The following ITM2B variants were observed in gnomAD, a reference collection of about 807,000 sequenced individuals.
ITM2B encodes the protein integral membrane protein 2B.
A neutral mutation model predicts 27.8 loss-of-function variants in ITM2B; 11 were observed. The observed-to-expected ratio is 0.40, with a 90% CI of 0.25 to 0.66. The LOEUF is 0.66. ITM2B is among the 30% of genes least tolerant of loss of function. The pLI is 0.43. For synonymous variants in ITM2B, 114 were observed against 114.3 expected (o/e 1.00, Z 0.02); for missense variants, 296 against 328.9 (o/e 0.90, Z 0.77).
At position 48,264,005 on chromosome 13, in the gene ITM2B, A is replaced by G. The variant is rs1951837068; in HGVS notation, c.*2781A>G. On this transcript the variant is annotated 3_prime_UTR_variant, in exon 6 of 6. Transcript: ENST00000647800. ...AGATAGCTCTAGTTTGCTGCTTTGC[A>G]ACACATTCTGCCCCTATTGCATTGG... 6.6e-6 allele frequency: 1 copy of G among 152,072 alleles called. No individual in the cohort carries two copies. The highest frequency in any genetic ancestry group is 2.4e-5 in the African/African-American group (1 of 41,396). 9.4% of individuals were successfully genotyped at this position (152,072 alleles called of 1,614,324 possible).
chr13:48,234,825 G>A (rs1191077876), intron 1 of ITM2B, among the ~76,000 whole-genome samples: 4 of 152,134 alleles, frequency 2.6e-5, no homozygotes, highest in Admixed American at 2.6e-4. Flanking sequence ...TATTGGTATT[G>A]TTTTCCTGAA....
At chr13:48,243,548 G>C (rs1231802868) in intron 1 of ITM2B, among the ~76,000 whole-genome samples, 2 of 152,162 alleles carry the variant, frequency 1.3e-5, no homozygotes, top group African/African-American at 4.8e-5. Context: ...CATGCTGTGG[G>C]CCGGGCATGG....
rs1406181282 is a variant in ITM2B, at chr13:48,267,027, G to C, written c.*5803G>C. ...TAGGGGGGATTTTTGATTGTCACAGGACTAGAGGATGCCATTTGTATTTAG... is the reference window on the plus strand; with the variant it reads ...TAGGGGGGATTTTTGATTGTCACAGCACTAGAGGATGCCATTTGTATTTAG... On this transcript the variant is annotated 3_prime_UTR_variant, in exon 6 of 6. Coordinates refer to ENST00000647800, the MANE Select transcript of ITM2B (RefSeq NM_021999.5). The C allele has an allele frequency of 1.3e-5, 2 of 152,140 alleles. No individual in the cohort carries two copies. Among genetic ancestry groups the C allele is most frequent in the Non-Finnish European group, 2.9e-5 (2 of 68,032 alleles). 9.4% of individuals were successfully genotyped at this position (152,140 alleles called of 1,614,324 possible). A position where few individuals can be genotyped will look rare whatever the true frequency, so the allele number is the denominator to read the frequency against.
In ITM2B at chr13:48,269,458, A is replaced by G. The variant is rs1439875251; in HGVS notation, c.*8234A>G. On this transcript the variant is annotated 3_prime_UTR_variant, in exon 6 of 6. Transcript: ENST00000647800. ...ATGTCACTCCCCTGCTCAAATCCCA[A>G]CATTTTATTCAGAATAAAAGTCGAA... 1 of 146,546 alleles carries G rather than the reference A, an allele frequency of 6.8e-6. No homozygotes were observed. Among genetic ancestry groups the G allele is most frequent in the Non-Finnish European group, 1.5e-5 (1 of 64,714 alleles). 9.1% of individuals were successfully genotyped at this position (146,546 alleles called of 1,614,324 possible). A position where few individuals can be genotyped will look rare whatever the true frequency, so the allele number is the denominator to read the frequency against.
chr13:48,256,729 CTG>C (rs1951791503), intron 3 of ITM2B, among the ~76,000 whole-genome samples: 1 of 152,254 alleles, frequency 6.6e-6, no homozygotes, highest in African/African-American at 2.4e-5. Context: ...TTTTGTTAAT[CTG>C]TTTTTAAGTT....
rs763698790 is a variant in ITM2B, at chr13:48,258,751, T to A, written c.565-46T>A. On this transcript the variant is annotated intron_variant, in intron 4 of 5. Transcript: ENST00000647800. The stretch of plus-strand genomic sequence containing the variant: ...TGTCTTGTTTCTCTAGTCTACTCAG[T>A]GTATGTTCTGAGATAGTCATGTCAT... 8 of 1,571,188 alleles carry A rather than the reference T, an allele frequency of 5.1e-6. No individual in the cohort carries two copies. In the African/African-American group the frequency reaches 9.5e-5, roughly 19 times the overall value.
At chr13:48,259,065 C>T (rs549194401) in intron 5 of ITM2B, 118 bp downstream of exon 5, 14 of 677,840 alleles carry the variant, frequency 2.1e-5, no homozygotes, top group South Asian at 1.2e-4. Flanking sequence ...AATATTGTGT[C>T]GTTATATAAT....
At chr13:48,243,855 T>G (rs952120088) in intron 1 of ITM2B, among the ~76,000 whole-genome samples, 20 of 151,872 alleles carry the variant, frequency 1.3e-4, no homozygotes, top group African/African-American at 3.9e-4. Flanking sequence ...GTATATATAT[T>G]TAATAAAAAA....
At chr13:48,253,990 C>A in intron 2 of ITM2B, 54 bp downstream of exon 2, 2 of 1,517,752 alleles carry the variant, frequency 1.3e-6, no homozygotes, top group South Asian at 1.1e-5. Flanking sequence ...TTGCCTCTCC[C>A]GATGTGCATT....
At position 48,264,704 on chromosome 13, in the gene ITM2B, C is replaced by A. The variant is rs1951842646; in HGVS notation, c.*3480C>A. 1 of 152,168 alleles carries A rather than the reference C, an allele frequency of 6.6e-6. No homozygotes were observed. Among genetic ancestry groups the A allele is most frequent in the African/African-American group, 2.4e-5 (1 of 41,452 alleles). The allele number at this position is 152,168 out of a possible 1,614,324, so 9.4% of individuals were successfully genotyped here. ...TCTATTTAGAAAAAGAACATTTCTT[C>A]ATTTCCACAAAGCTACACAGCCATC... On this transcript the variant is annotated 3_prime_UTR_variant, in exon 6 of 6. Transcript: ENST00000647800.
chr13:48,260,287 A>G (rs1281591784), intron 5 of ITM2B, among the ~76,000 whole-genome samples: 1 of 152,108 alleles, frequency 6.6e-6, no homozygotes, highest in Admixed American at 6.6e-5. Flanking sequence ...TGCTATTGTG[A>G]GTAGTGCCAC....
intron 1 of ITM2B, 101 bp downstream of exon 1, chr13:48,233,578 T>C (rs113182661): frequency 2.9e-6 from 2 of 679,894 alleles, no homozygotes; most frequent in Non-Finnish European, 2.3e-6. Flanking sequence ...GGCGCGGGGC[T>C]CGCGCCGCGG....
Position 48,258,135 on chromosome 13 carries a change from G to A in ITM2B, c.463G>A (p.Ala155Thr). Residue 155 changes from alanine to threonine, a missense_variant, in exon 4 of 6, where the codon GCC becomes ACC. Physicochemically the swap from Ala to Thr is moderately conservative, Grantham distance 58. Transcript: ENST00000647800. ...IVHDFNKKLT[A>T]YLDLNLDKCY... is the part of the protein sequence containing the mutation. ...ATCTTTTTCTTCCCAGAAACTTACA[G>A]CCTATTTAGATCTTAACCTGGATAA... 1.9e-6 allele frequency: 3 copies of A among 1,560,736 alleles called. No individual in the cohort carries two copies. Among genetic ancestry groups the A allele is most frequent in the African/African-American group, 2.7e-5 (2 of 73,974 alleles).
At chr13:48,254,225 A>C (rs1341280266) in intron 2 of ITM2B, among the ~76,000 whole-genome samples, 3 of 152,218 alleles carry the variant, frequency 2.0e-5, no homozygotes, top group Admixed American at 6.5e-5. Context: ...TACTATAATT[A>C]AGGGTTGAGA....
Position 48,258,842 on chromosome 13 carries a change from G to A in ITM2B, c.610G>A (p.Val204Ile). 6.2e-7 allele frequency: 1 copy of A among 1,613,736 alleles called. No individual in the cohort carries two copies. Among genetic ancestry groups the A allele is most frequent in the East Asian group, 2.2e-5 (1 of 44,872 alleles). The change falls in exon 5 of 6, where the codon GTT (valine) becomes ATT (isoleucine). Residue 204 changes from valine (V) to isoleucine (I), a missense_variant. By Grantham distance (29) the Val-to-Ile change is conservative (BLOSUM62 3). Coordinates refer to ENST00000647800, the MANE Select transcript of ITM2B (RefSeq NM_021999.5). Reference sequence around the variant, plus strand: ...GTCCTATCTGATTCATGAGCACATGGTTATTACTGATCGCATTGAAAACAT... The same window carrying A: ...GTCCTATCTGATTCATGAGCACATGATTATTACTGATCGCATTGAAAACAT... ...PQSYLIHEHM[V>I]ITDRIENIDH...
At position 48,261,471 on chromosome 13, in the gene ITM2B, G is replaced by T; in HGVS notation, c.*247G>T. On this transcript the variant is annotated 3_prime_UTR_variant, in exon 6 of 6. Transcript: ENST00000647800. Reference sequence around the variant, plus strand: ...ATAGATAATAGTACATGTCACCTTAGGTAGTAGGAAGAATTACAATTTCTT... The same window carrying T: ...ATAGATAATAGTACATGTCACCTTATGTAGTAGGAAGAATTACAATTTCTT... 1 of 322,062 alleles carries T rather than the reference G, an allele frequency of 3.1e-6. No individual in the cohort carries two copies. Among genetic ancestry groups the T allele is most frequent in the Non-Finnish European group, 5.7e-6 (1 of 175,564 alleles). The allele number at this position is 322,062 out of a possible 1,614,324, so 20.0% of individuals were successfully genotyped here.
chr13:48,257,655 CTA>C (rs1184874578), intron 3 of ITM2B, among the ~76,000 whole-genome samples: 1 of 152,158 alleles, frequency 6.6e-6, no homozygotes, highest in Non-Finnish European at 1.5e-5. Context: ...AAAAACCGTT[CTA>C]TGAGACAGTC....
rs1361779152 is a variant in ITM2B, at chr13:48,256,181, A to T, written c.251A>T (p.Asp84Val). 2 of 1,610,490 alleles carry T rather than the reference A, an allele frequency of 1.2e-6. No individual in the cohort carries two copies. Among genetic ancestry groups the T allele is most frequent in the Non-Finnish European group, 1.7e-6 (2 of 1,177,108 alleles). Reference sequence around the variant, plus strand: ...GAGTCTTTAAACTCTCTATAGCCAGATGACGTGTACTACTGTGGAATAAAG... The same window carrying T: ...GAGTCTTTAAACTCTCTATAGCCAGTTGACGTGTACTACTGTGGAATAAAG... The part of the protein sequence containing the change: ...YLYKYFALQP[D>V]DVYYCGIKYI... Residue 84 changes from aspartate (D) to valine (V), a missense_variant, in exon 3 of 6, where the codon GAT becomes GTT. Transcript: ENST00000647800.
intron 1 of ITM2B, among the ~76,000 whole-genome samples, chr13:48,238,223 A>T (rs1951679775): frequency 6.6e-6 from 1 of 152,290 alleles, no homozygotes. Context: ...TATCCCTTTT[A>T]ATTAGTACTT....
Sources: allele counts gnomAD v4.1 joint callset (sites outside exome capture counted in the v4.1 genomes callset), GRCh38; gene constraint gnomAD v4.1.1; transcripts MANE v1.5; gene names NCBI Gene and HGNC (gene_info 2026-07-23, HGNC 2026-07-21).